THSD4: variants seen among roughly 807,000 people sequenced by gnomAD.
The protein encoded by THSD4 is thrombospondin type 1 domain containing 4.
Under a neutral mutation model 119.0 loss-of-function variants are expected in THSD4, and 69 were observed. That is an observed-to-expected ratio of 0.58 (90% CI 0.48 to 0.71). The LOEUF is 0.71. Among genes scored for constraint, THSD4 ranks in the 30% least tolerant of loss-of-function variants. The probability of loss-of-function intolerance (pLI) is 0.00; values close to 1 mark genes in which losing one functional copy is unlikely to be tolerated. For missense variants in THSD4, 1,393 were observed against 1,391.1 expected (o/e 1.00, Z -0.02); for synonymous variants, 524 against 540.4 (o/e 0.97, Z 0.42).
intron 6 of THSD4, among the ~76,000 whole-genome samples, chr15:71,369,460 A>G (rs1041916248): frequency 9.8e-5 from 15 of 152,310 alleles, no homozygotes; most frequent in Non-Finnish European, 1.8e-4. Flanking sequence ...CGTCCCATCA[A>G]TACCGAATTT....
intron 7 of THSD4, among the ~76,000 whole-genome samples, chr15:71,503,291 G>A (rs1046459236): frequency 3.3e-5 from 5 of 152,188 alleles, no homozygotes; most frequent in African/African-American, 1.2e-4. Context: ...ATGGAAAAAT[G>A]CTGGGAGGGT....
chr15:71,218,065 CGTGG>C (rs1235870929), intron 4 of THSD4, among the ~76,000 whole-genome samples: 6 of 152,154 alleles, frequency 3.9e-5, no homozygotes, highest in African/African-American at 1.4e-4. Context: ...AGTCACCGTG[CGTGG>C]CCTCCCCAGG....
intron 8 of THSD4, among the ~76,000 whole-genome samples, chr15:71,721,413 C>T (rs1367885743): frequency 2.0e-5 from 3 of 152,088 alleles, no homozygotes; most frequent in Non-Finnish European, 4.4e-5. Context: ...GAGGCTGAGA[C>T]AGGAGAATCA....
intron 7 of THSD4, among the ~76,000 whole-genome samples, chr15:71,612,968 TGTCACATG>T (rs2050256470): frequency 6.6e-6 from 1 of 152,190 alleles, no homozygotes; most frequent in African/African-American, 2.4e-5. Context: ...TAAGGGCCCT[TGTCACATG>T]GTCACATGTA....
At chr15:71,414,928 TAA>T (rs2046738966) in intron 7 of THSD4, among the ~76,000 whole-genome samples, 1 of 152,260 alleles carries the variant, frequency 6.6e-6, no homozygotes, top group Non-Finnish European at 1.5e-5. Context: ...GGCTTCAGTT[TAA>T]ATAATCAGAA....
chr15:71,225,705 G>A (rs2044012678), intron 4 of THSD4, among the ~76,000 whole-genome samples: 2 of 151,824 alleles, frequency 1.3e-5, no homozygotes, highest in African/African-American at 4.8e-5. Flanking sequence ...ACCACACTCA[G>A]CAAATGTTTG....
chr15:71,703,923 C>T (rs2052343355), intron 8 of THSD4, among the ~76,000 whole-genome samples: 1 of 152,174 alleles, frequency 6.6e-6, no homozygotes, highest in Admixed American at 6.5e-5. Context: ...GATCTCTGCT[C>T]ACCGCAGGCT....
intron 8 of THSD4, among the ~76,000 whole-genome samples, chr15:71,662,761 A>G (rs552381589): frequency 4.6e-5 from 7 of 152,180 alleles, no homozygotes; most frequent in Non-Finnish European, 7.3e-5. Context: ...TCTTCACCTT[A>G]TAAGTAGTCA....
intron 7 of THSD4, among the ~76,000 whole-genome samples, chr15:71,422,993 G>T (rs548597790): frequency 3.9e-5 from 6 of 152,272 alleles, no homozygotes; most frequent in African/African-American, 1.2e-4. Context: ...GGAGAGCACT[G>T]CCAGGCTGTC....
At chr15:71,292,024 G>A (rs1341968305) in intron 6 of THSD4, among the ~76,000 whole-genome samples, 5 of 152,140 alleles carry the variant, frequency 3.3e-5, no homozygotes, top group Non-Finnish European at 5.9e-5. Flanking sequence ...TATTGTTTTA[G>A]CTTCTGCATA....
chr15:71,561,068 G>A (rs1002675434), intron 7 of THSD4, among the ~76,000 whole-genome samples: 4 of 150,254 alleles, frequency 2.7e-5, no homozygotes, highest in Non-Finnish European at 2.9e-5. Context: ...TCCGCCTCCC[G>A]GGTTCACGCC....
At chr15:71,734,753 G>T (rs532844415) in intron 10 of THSD4, among the ~76,000 whole-genome samples, 2 of 150,514 alleles carry the variant, frequency 1.3e-5, no homozygotes, top group South Asian at 4.2e-4. Flanking sequence ...GGGAGGAGGT[G>T]TGTGGGAACT....
chr15:71,320,801 A>G lies in THSD4; in HGVS notation c.1015+64086A>G, dbSNP rs75873702. Among the ~76,000 whole-genome samples, 653 of 152,172 alleles carry G rather than the reference A, an allele frequency of 4.3e-3. 3 individuals are homozygous for G. Among genetic ancestry groups the G allele is most frequent in the African/African-American group, 0.015 (625 of 41,492 alleles). ...TTTTTCAGTTCTCTTTCAACTCCAG[A>G]CATCTTTTTTTTTCAACATCAAGGA... is the stretch of plus-strand genomic sequence containing the variant. On this transcript the variant is annotated intron_variant, in intron 6 of 17. Transcript: ENST00000261862.
At chr15:71,339,448 C>T (rs1408849239) in intron 6 of THSD4, among the ~76,000 whole-genome samples, 2 of 152,122 alleles carry the variant, frequency 1.3e-5, no homozygotes, top group Non-Finnish European at 2.9e-5. Context: ...AAGCTGATCA[C>T]AGTGCATTAC....
intron 8 of THSD4, among the ~76,000 whole-genome samples, chr15:71,667,211 G>C (rs1269629392): frequency 1.3e-5 from 2 of 152,056 alleles, no homozygotes; most frequent in Non-Finnish European, 2.9e-5. Flanking sequence ...TGTAAGCTAT[G>C]AATTCTCCTT....
chr15:71,473,475 G>T (rs780126393), intron 7 of THSD4, among the ~76,000 whole-genome samples: 6 of 152,296 alleles, frequency 3.9e-5, no homozygotes, highest in African/African-American at 7.2e-5. Flanking sequence ...TGGAGTTGTC[G>T]CTGTTTCTGA....
At chr15:71,258,281 C>T (rs557538451) in intron 6 of THSD4, among the ~76,000 whole-genome samples, 148 of 152,222 alleles carry the variant, frequency 9.7e-4, no homozygotes, top group Non-Finnish European at 1.6e-3. Flanking sequence ...CAGGTTCAAG[C>T]GATTCTCCTG....
intron 6 of THSD4, among the ~76,000 whole-genome samples, chr15:71,330,509 G>T (rs367756464): frequency 2.0e-5 from 3 of 152,110 alleles, no homozygotes; most frequent in Non-Finnish European, 2.9e-5. Context: ...TGGGGAAGTT[G>T]CTTCGCCATT....
intron 6 of THSD4, among the ~76,000 whole-genome samples, chr15:71,303,242 C>T (rs1363821614): frequency 6.6e-6 from 1 of 152,210 alleles, no homozygotes; most frequent in East Asian, 1.9e-4. Context: ...CTGGGCGCCG[C>T]GCATTTGCCT....
Sources: gnomAD v4.1 joint callset for allele counts (sites outside exome capture counted in the v4.1 genomes callset) on GRCh38, gnomAD v4.1.1 for gene constraint, MANE v1.5 for transcripts, NCBI Gene and HGNC (gene_info 2026-07-23, HGNC 2026-07-21) for gene names.